NUP35: variants seen among roughly 807,000 people sequenced by gnomAD.
NUP35 encodes the protein nucleoporin 35, also known as nucleoporin NUP35.
A neutral mutation model predicts 41.5 loss-of-function variants in NUP35; 25 were observed. The observed-to-expected ratio is 0.60, with a 90% confidence interval of 0.44 to 0.84. NUP35 has a LOEUF of 0.84. Ranked by LOEUF, NUP35 falls within the 40% of genes least tolerant of loss-of-function variation. NUP35 has a pLI of 0.00. For missense variants in NUP35, 396 were observed against 396.6 expected (o/e 1.00, Z 0.01); for synonymous variants, 149 against 130.7 (o/e 1.14, Z -0.96).
chr2:183,153,581 C>G (rs997629269), intron 5 of NUP35, among the ~76,000 whole-genome samples: 2 of 152,138 alleles, frequency 1.3e-5, no homozygotes, highest in African/African-American at 4.8e-5. Flanking sequence ...CCTTTGACTT[C>G]CTGGTCTCAC....
chr2:183,151,301 A>T (rs1170085333), intron 4 of NUP35, among the ~76,000 whole-genome samples: 7 of 152,206 alleles, frequency 4.6e-5, no homozygotes, highest in Non-Finnish European at 1.0e-4. Context: ...ATAATAAAAC[A>T]TTTGCAGAAT....
At chr2:183,121,635 C>T (rs570319756), upstream of NUP35, among the ~76,000 whole-genome samples, 12 of 151,836 alleles carry the variant, frequency 7.9e-5, no homozygotes, top group African/African-American at 2.9e-4. Flanking sequence ...AGATCGAGAC[C>T]ATCCTGGCCA....
intron 4 of NUP35, among the ~76,000 whole-genome samples, chr2:183,142,551 G>T (rs867933072): frequency 6.6e-6 from 1 of 151,462 alleles, no homozygotes; most frequent in African/African-American, 2.4e-5. Context: ...GCACAATCTC[G>T]GCTCACTGCA....
intron 2 of NUP35, among the ~76,000 whole-genome samples, chr2:183,129,860 G>A (rs1001987013): frequency 3.3e-5 from 5 of 152,152 alleles, no homozygotes; most frequent in Admixed American, 1.3e-4. Flanking sequence ...TTCTCTGATC[G>A]ATAAAGACAT....
intron 3 of NUP35, 149 bp downstream of exon 3, chr2:183,130,694 C>T: frequency 3.3e-6 from 3 of 917,060 alleles, no homozygotes; most frequent in Non-Finnish European, 3.3e-6. Flanking sequence ...ATCATAGAAT[C>T]TACTTAAATT....
intron 1 of NUP35, among the ~76,000 whole-genome samples, chr2:183,127,527 G>A (rs1343360851): frequency 6.6e-6 from 1 of 152,086 alleles, no homozygotes; most frequent in African/African-American, 2.4e-5. Context: ...CTGTTATTTT[G>A]TAAGTGCTCT....
intron 6 of NUP35, among the ~76,000 whole-genome samples, chr2:183,157,802 A>G (rs1453013841): frequency 2.6e-5 from 4 of 152,106 alleles, no homozygotes; most frequent in Non-Finnish European, 2.9e-5. Flanking sequence ...CAAGTATTAT[A>G]TTACTGTTTT....
intron 4 of NUP35, among the ~76,000 whole-genome samples, chr2:183,147,870 A>G (rs1389986446): frequency 1.3e-5 from 2 of 151,406 alleles, no homozygotes; most frequent in Non-Finnish European, 2.9e-5. Flanking sequence ...TTCTCCTTGT[A>G]GAGATTTTTC....
At chr2:183,147,090 GTTC>G (rs1459895008) in intron 4 of NUP35, among the ~76,000 whole-genome samples, 2 of 151,896 alleles carry the variant, frequency 1.3e-5, no homozygotes, top group African/African-American at 4.8e-5. Flanking sequence ...TTCTTGTTAA[GTTC>G]TTTACAGATG....
chr2:183,137,276 C>T (rs1684907491), intron 4 of NUP35, among the ~76,000 whole-genome samples: 1 of 152,140 alleles, frequency 6.6e-6, no homozygotes, highest in South Asian at 2.1e-4. Context: ...TGCTTTGTTA[C>T]ACGCAGAAAT....
At position 183,151,653 on chromosome 2, in the gene NUP35, AG is replaced by A; in HGVS notation, c.539+6del. 1 of 1,609,304 alleles carries A rather than the reference AG, an allele frequency of 6.2e-7. No individual in the cohort carries two copies. The highest frequency in any genetic ancestry group is 8.5e-7 in the Non-Finnish European group (1 of 1,178,614). ...ACTCTTGGGTGACTGTATTTGGGTAAGGTTTGCAGACCATTTGCCTTTTAAA... is the reference window on the plus strand; with the variant it reads ...ACTCTTGGGTGACTGTATTTGGGTAAGTTTGCAGACCATTTGCCTTTTAAA... On this transcript the variant is annotated splice_donor_5th_base_variant and intron_variant, in intron 5 of 8. Coordinates refer to ENST00000295119, the MANE Select transcript of NUP35 (RefSeq NM_138285.5).
At chr2:183,148,042 A>G (rs780181763) in intron 4 of NUP35, among the ~76,000 whole-genome samples, 2 of 152,114 alleles carry the variant, frequency 1.3e-5, no homozygotes, top group Non-Finnish European at 2.9e-5. Flanking sequence ...GCACTCGCTT[A>G]TGAGTGAGCA....
intron 4 of NUP35, among the ~76,000 whole-genome samples, chr2:183,146,361 C>G (rs1307574713): frequency 6.6e-6 from 1 of 152,158 alleles, no homozygotes; most frequent in Non-Finnish European, 1.5e-5. Context: ...TGTACACTTT[C>G]CTTTAGGAAA....
chr2:183,135,877 TAAAA>T (rs1204276813), intron 4 of NUP35, among the ~76,000 whole-genome samples: 2 of 148,852 alleles, frequency 1.3e-5, no homozygotes, highest in Non-Finnish European at 3.0e-5. Flanking sequence ...AAAAAGTAAA[TAAAA>T]ATTTAAAAAA....
intron 4 of NUP35, among the ~76,000 whole-genome samples, chr2:183,143,889 C>T (rs139985322): frequency 1.2e-4 from 19 of 152,190 alleles, no homozygotes; most frequent in Admixed American, 4.6e-4. Flanking sequence ...TATGCTTTTT[C>T]GGTATAATGT....
At chr2:183,154,141 C>G (rs1158135731) in intron 5 of NUP35, among the ~76,000 whole-genome samples, 1 of 152,198 alleles carries the variant, frequency 6.6e-6, no homozygotes, top group Non-Finnish European at 1.5e-5. Context: ...CACAGGGACC[C>G]TGGGCCTGGA....
At chr2:183,124,268 C>T (rs2105530109), upstream of NUP35, 6 of 1,375,494 alleles carry the variant, frequency 4.4e-6, no homozygotes, top group Non-Finnish European at 5.7e-6. Flanking sequence ...AAAACCCTTT[C>T]CTCGGAAATT....
chr2:183,123,082 C>G (rs183225421), upstream of NUP35, among the ~76,000 whole-genome samples: 1 of 152,292 alleles, frequency 6.6e-6, no homozygotes, highest in Non-Finnish European at 1.5e-5. Context: ...TTTGAAAAAG[C>G]AGGAAGGTGG....
intron 3 of NUP35, among the ~76,000 whole-genome samples, chr2:183,131,929 T>A (rs1465727968): frequency 1.3e-5 from 2 of 152,110 alleles, no homozygotes; most frequent in Non-Finnish European, 2.9e-5. Context: ...TATGATTAGT[T>A]TGGTATGAAG....
Sources: gnomAD v4.1 joint callset for allele counts (sites outside exome capture counted in the v4.1 genomes callset) on GRCh38, gnomAD v4.1.1 for gene constraint, MANE v1.5 for transcripts, NCBI Gene and HGNC (gene_info 2026-07-23, HGNC 2026-07-21) for gene names.